Variants in COL26A1 observed in about 807,000 individuals in gnomAD.
COL26A1 encodes the protein collagen type XXVI alpha 1 chain.
Under a neutral mutation model 59.3 loss-of-function variants are expected in COL26A1, and 41 were observed. The ratio of observed to expected loss-of-function variants is 0.69; its 90% CI spans 0.54 to 0.90. COL26A1 has a LOEUF of 0.90. Among genes scored for constraint, COL26A1 ranks in the 40% least tolerant of loss-of-function variants. The pLI is 0.00. For synonymous variants in COL26A1, 266 were observed against 256.0 expected (o/e 1.04, Z -0.37); for missense variants, 612 against 602.3 (o/e 1.02, Z -0.17).
rs34282686 is a variant in COL26A1, at chr7:101,414,432, T to TTGTGTGTGTGTGTGTGTGTG, written c.159-5537_159-5518dup. ...GCTCGCTCTCGCTCTCACTCTGTGT[T>TTGTGTGTGTGTGTGTGTGTG]TGTGTGTGTGTGTGTGTGTGTGTGT... On this transcript the variant is annotated intron_variant, in intron 1 of 12. Transcript: ENST00000313669. Among the ~76,000 whole-genome samples, 50 of 146,180 alleles carry TTGTGTGTGTGTGTGTGTGTG rather than the reference T, an allele frequency of 3.4e-4. 1 individual carries two copies. The highest frequency in any genetic ancestry group is 3.2e-3 in the Middle Eastern group (1 of 314).
rs558233826 is a variant in COL26A1, at chr7:101,555,326, T to C, written c.1081-461T>C. On this transcript the variant is annotated intron_variant, in intron 11 of 12. Transcript: ENST00000313669. The stretch of plus-strand genomic sequence containing the variant: ...GCATGGCCACACCTACCCTGCCCCT[T>C]GCCTGCTGTTTGGTGGCGAGCTCTT... Among the ~76,000 whole-genome samples the C allele has an allele frequency of 3.7e-3, 563 of 152,286 alleles. 4 individuals are homozygous for C. Among genetic ancestry groups the C allele is most frequent in the African/African-American group, 0.013 (520 of 41,554 alleles).
At chr7:101,440,989 A>C (rs76815944) in intron 2 of COL26A1, among the ~76,000 whole-genome samples, 3 of 151,198 alleles carry the variant, frequency 2.0e-5, no homozygotes, top group African/African-American at 7.3e-5. Context: ...AAAAAAAAAA[A>C]AGAAAGAAAG....
chr7:101,385,248 T>TACAC (rs71106514), intron 1 of COL26A1, among the ~76,000 whole-genome samples: 16 of 148,170 alleles, frequency 1.1e-4, no homozygotes, highest in Admixed American at 3.4e-4. Context: ...TATATATATA[T>TACAC]ATACACACAC....
chr7:101,371,824 G>T (rs1000978609), intron 1 of COL26A1, among the ~76,000 whole-genome samples: 4 of 152,016 alleles, frequency 2.6e-5, no homozygotes, highest in Non-Finnish European at 5.9e-5. Flanking sequence ...CCCAGCCTCC[G>T]TCCTTGATGA....
chr7:101,408,724 G>A (rs1468943369), intron 1 of COL26A1, among the ~76,000 whole-genome samples: 1 of 152,218 alleles, frequency 6.6e-6, no homozygotes, highest in Non-Finnish European at 1.5e-5. Context: ...TGGGGCTGCA[G>A]TGCAGGACTT....
intron 11 of COL26A1, 124 bp from the exon 12 acceptor site, chr7:101,555,663 G>A: frequency 1.6e-6 from 1 of 628,124 alleles, no homozygotes; most frequent in Non-Finnish European, 2.9e-6. Flanking sequence ...GCAGTGGTGA[G>A]GGTGTCGGGT....
At chr7:101,529,082 C>T (rs1217082385) in intron 3 of COL26A1, among the ~76,000 whole-genome samples, 1 of 152,020 alleles carries the variant, frequency 6.6e-6, no homozygotes, top group Non-Finnish European at 1.5e-5. Flanking sequence ...AGGAGAATCA[C>T]TTGAACCCCG....
chr7:101,551,917 G>A (rs1466107335), intron 10 of COL26A1, among the ~76,000 whole-genome samples: 1 of 152,144 alleles, frequency 6.6e-6, no homozygotes, highest in African/African-American at 2.4e-5. Context: ...TTCCCCCACA[G>A]CGCATGTAAG....
intron 3 of COL26A1, among the ~76,000 whole-genome samples, chr7:101,511,677 A>AGG (rs1794928822): frequency 6.6e-6 from 1 of 152,228 alleles, no homozygotes; most frequent in South Asian, 2.1e-4. Context: ...CCTTACAAAA[A>AGG]GGGGCCCATC....
chr7:101,415,965 G>A (rs1225668917), intron 1 of COL26A1, among the ~76,000 whole-genome samples: 1 of 108,814 alleles, frequency 9.2e-6, no homozygotes, highest in African/African-American at 2.8e-5. Context: ...GCTAGTACTG[G>A]TAATATGTAT....
chr7:101,550,028 A>G (rs911812518), intron 9 of COL26A1, among the ~76,000 whole-genome samples: 4 of 152,202 alleles, frequency 2.6e-5, no homozygotes, highest in Non-Finnish European at 5.9e-5. Context: ...GGTAGTGAGC[A>G]ATGGAGTGTG....
intron 1 of COL26A1, among the ~76,000 whole-genome samples, chr7:101,378,237 G>C (rs1217058504): frequency 6.6e-6 from 1 of 152,026 alleles, no homozygotes; most frequent in Non-Finnish European, 1.5e-5. Flanking sequence ...AAAATTAGCT[G>C]GGTGTGGTGG....
At chr7:101,499,247 A>C (rs887325999) in intron 3 of COL26A1, among the ~76,000 whole-genome samples, 5 of 152,112 alleles carry the variant, frequency 3.3e-5, no homozygotes, top group African/African-American at 1.2e-4. Context: ...TCTTGATTTA[A>C]AGCTGAGCAC....
upstream of COL26A1, among the ~76,000 whole-genome samples, chr7:101,362,392 G>T (rs1790911041): frequency 6.6e-6 from 1 of 152,196 alleles, no homozygotes; most frequent in Non-Finnish European, 1.5e-5. Context: ...GTGGGGGCTG[G>T]AGGTTAAAGG....
chr7:101,423,732 C>T (rs1241708796), intron 2 of COL26A1, among the ~76,000 whole-genome samples: 4 of 151,348 alleles, frequency 2.6e-5, no homozygotes, highest in Non-Finnish European at 4.4e-5. Context: ...GAGACTCCGT[C>T]GCAAAAAAAA....
In COL26A1 at chr7:101,463,881, CTTTCTTTCTTTCTTTCTTTCTT is replaced by C. The variant is rs1211961241; in HGVS notation, c.385+16104_385+16125del. ...TTTCTCTTTTTTCTTTTCTTTCTTT[CTTTCTTTCTTTCTTTCTTTCTT>C]TTTCTTTCTCTCTTTCTTTCTTCTT... On this transcript the variant is annotated intron_variant, in intron 3 of 12. Coordinates refer to ENST00000313669, the MANE Select transcript of COL26A1 (RefSeq NM_001278563.3). Among the ~76,000 whole-genome samples, 157 of 77,102 alleles carry C rather than the reference CTTTCTTTCTTTCTTTCTTTCTT, an allele frequency of 2.0e-3. 2 individuals are homozygous for C. The South Asian group carries it at 0.033, about 16-fold the overall frequency. The allele number at this position is 77,102 out of a possible 152,430, so 50.6% of individuals were successfully genotyped here.
chr7:101,457,894 C>CT (rs747999760), intron 3 of COL26A1, among the ~76,000 whole-genome samples: 5,424 of 113,624 alleles, frequency 0.048, 187 homozygotes, highest in Non-Finnish European at 0.061. Context: ...TATAGCTTAA[C>CT]TTTTTTTTTT....
intron 2 of COL26A1, among the ~76,000 whole-genome samples, chr7:101,443,012 AGT>A (rs1318806036): frequency 2.8e-4 from 43 of 151,944 alleles, no homozygotes; most frequent in African/African-American, 9.7e-4. Context: ...AAGGTGTGAG[AGT>A]GTGTGAGGGC....
At chr7:101,438,895 G>A (rs143885854) in intron 2 of COL26A1, among the ~76,000 whole-genome samples, 8,456 of 144,342 alleles carry the variant, frequency 0.059, 594 homozygotes, top group Non-Finnish European at 0.091. Context: ...TGTTTGTCAG[G>A]CTGGTCTCGA....
Sources: gnomAD v4.1 joint callset for allele counts (sites outside exome capture counted in the v4.1 genomes callset) on GRCh38, gnomAD v4.1.1 for gene constraint, MANE v1.5 for transcripts, NCBI Gene and HGNC (gene_info 2026-07-23, HGNC 2026-07-21) for gene names.